Variants in QTMAN observed in about 807,000 individuals in gnomAD.
The protein encoded by QTMAN is queuosine-tRNA mannosyltransferase.
the QTMAN span, among the ~76,000 whole-genome samples, chr2:143,962,922 G>A: frequency 6.6e-6 from 1 of 152,156 alleles, no homozygotes; most frequent in African/African-American, 2.4e-5. Context: ...AAGTGGGCTA[G>A]TCTTAGTTAC....
At chr2:144,296,097 T>C in the QTMAN span, among the ~76,000 whole-genome samples, 1 of 152,192 alleles carries the variant, frequency 6.6e-6, no homozygotes, top group South Asian at 2.1e-4. Flanking sequence ...TGAGGATGTT[T>C]AGGTAACGAA....
chr2:144,183,124 T>C, the QTMAN span, among the ~76,000 whole-genome samples: 1 of 150,778 alleles, frequency 6.6e-6, no homozygotes. Flanking sequence ...AGATATAGTT[T>C]CAGCCTACAC....
the QTMAN span, among the ~76,000 whole-genome samples, chr2:144,132,256 C>T: frequency 6.6e-6 from 1 of 151,876 alleles, no homozygotes; most frequent in Non-Finnish European, 1.5e-5. Flanking sequence ...AATTTCATTA[C>T]ACCTAATTTT....
the QTMAN span, among the ~76,000 whole-genome samples, chr2:144,069,124 G>A: frequency 6.6e-6 from 1 of 151,984 alleles, no homozygotes; most frequent in Admixed American, 6.6e-5. Flanking sequence ...AACACATCCT[G>A]ACATCCAATT....
the QTMAN span, among the ~76,000 whole-genome samples, chr2:144,110,576 C>G: frequency 6.6e-6 from 1 of 151,148 alleles, no homozygotes; most frequent in African/African-American, 2.4e-5. Flanking sequence ...TAATATAAAA[C>G]TACATAATAG....
At chr2:144,027,893 A>T in the QTMAN span, among the ~76,000 whole-genome samples, 3 of 152,296 alleles carry the variant, frequency 2.0e-5, no homozygotes, top group East Asian at 5.8e-4. Context: ...GGTTGGTGGA[A>T]TTTAAATTTC....
At chr2:143,998,508 G>T in the QTMAN span, among the ~76,000 whole-genome samples, 8 of 147,558 alleles carry the variant, frequency 5.4e-5, no homozygotes, top group African/African-American at 1.5e-4. Flanking sequence ...GACTGACCGA[G>T]TAAAAAAAAA....
At chr2:144,333,049 C>T in the QTMAN span, among the ~76,000 whole-genome samples, 2 of 152,052 alleles carry the variant, frequency 1.3e-5, no homozygotes, top group African/African-American at 4.8e-5. Context: ...TCTACCTGCT[C>T]TGCAGCCCGG....
the QTMAN span, among the ~76,000 whole-genome samples, chr2:143,990,028 A>T: frequency 6.6e-6 from 1 of 152,202 alleles, no homozygotes; most frequent in Non-Finnish European, 1.5e-5. Flanking sequence ...AGACCAAATG[A>T]ATCAGAATCT....
chr2:144,069,603 A>G, the QTMAN span, among the ~76,000 whole-genome samples: 2 of 152,090 alleles, frequency 1.3e-5, no homozygotes, highest in Non-Finnish European at 2.9e-5. Flanking sequence ...TTTTGTGCAA[A>G]TGTGACTGAT....
At chr2:144,077,091 C>T in the QTMAN span, among the ~76,000 whole-genome samples, 3 of 148,822 alleles carry the variant, frequency 2.0e-5, no homozygotes, top group African/African-American at 7.4e-5. Context: ...TATATATTTA[C>T]AAATTTGCAC....
chr2:144,250,379 T>C, the QTMAN span, among the ~76,000 whole-genome samples: 2 of 152,100 alleles, frequency 1.3e-5, no homozygotes, highest in South Asian at 2.1e-4. Flanking sequence ...CCTGAACTCA[T>C]GTGCCTGCCC....
At chr2:143,969,456 A>G in the QTMAN span, among the ~76,000 whole-genome samples, 1 of 152,236 alleles carries the variant, frequency 6.6e-6, no homozygotes, top group African/African-American at 2.4e-5. Context: ...CAAGCACTGC[A>G]ATGGGCTTTG....
At chr2:144,157,424 C>T in the QTMAN span, among the ~76,000 whole-genome samples, 1 of 152,036 alleles carries the variant, frequency 6.6e-6, no homozygotes, top group South Asian at 2.1e-4. Flanking sequence ...GGAATGGAGG[C>T]TTCCCTTCTG....
At chr2:144,093,867 C>G in the QTMAN span, among the ~76,000 whole-genome samples, 2 of 152,148 alleles carry the variant, frequency 1.3e-5, no homozygotes, top group African/African-American at 2.4e-5. Context: ...CTCTACTAAT[C>G]TTTGAAATGG....
the QTMAN span, among the ~76,000 whole-genome samples, chr2:144,219,646 C>A: frequency 7.2e-5 from 11 of 151,978 alleles, no homozygotes; most frequent in African/African-American, 2.7e-4. Flanking sequence ...CATAGCAAAA[C>A]CCCCGTCTCT....
the QTMAN span, among the ~76,000 whole-genome samples, chr2:144,107,464 A>C: frequency 4.6e-5 from 7 of 152,250 alleles, no homozygotes; most frequent in Non-Finnish European, 1.0e-4. Context: ...CCATCAGAGA[A>C]TACTACAAAC....
chr2:144,204,488 A>G, the QTMAN span, among the ~76,000 whole-genome samples: 2 of 152,194 alleles, frequency 1.3e-5, no homozygotes, highest in Non-Finnish European at 2.9e-5. Context: ...AAAAGTCAGA[A>G]AACAACAGGT....
the QTMAN span, among the ~76,000 whole-genome samples, chr2:144,288,918 T>C: frequency 6.6e-6 from 1 of 151,090 alleles, no homozygotes; most frequent in East Asian, 1.9e-4. Context: ...GGGAAACAGA[T>C]AGGGAGAAAC....
Sources: allele counts gnomAD v4.1 joint callset (sites outside exome capture counted in the v4.1 genomes callset), GRCh38; gene constraint gnomAD v4.1.1; transcripts MANE v1.5; gene names NCBI Gene and HGNC (gene_info 2026-07-23, HGNC 2026-07-21).